TRABD2B: variants seen among roughly 807,000 people sequenced by gnomAD.
TRABD2B encodes TraB domain containing 2B, also known as metalloprotease TIKI2.
In TRABD2B, 14 loss-of-function variants were observed where a neutral mutation model predicts 40.1. The ratio of observed to expected loss-of-function variants is 0.35; its 90% CI spans 0.23 to 0.55. The LOEUF (loss-of-function observed/expected upper bound fraction) is 0.55. Among genes scored for constraint, TRABD2B ranks in the 20% least tolerant of loss-of-function variants. The pLI, the probability that TRABD2B is intolerant of heterozygous loss-of-function variation, is 0.90. For synonymous variants in TRABD2B, 263 were observed against 277.0 expected (o/e 0.95, Z 0.50); for missense variants, 541 against 648.6 (o/e 0.83, Z 1.80).
At chr1:47,917,719 G>A (rs1466019504) in intron 2 of TRABD2B, among the ~76,000 whole-genome samples, 1 of 151,976 alleles carries the variant, frequency 6.6e-6, no homozygotes, top group East Asian at 1.9e-4. Context: ...AGGTGACAGA[G>A]TGAGACACTG....
chr1:47,860,261 C>T (rs1643947386), intron 2 of TRABD2B, among the ~76,000 whole-genome samples: 1 of 152,186 alleles, frequency 6.6e-6, no homozygotes, highest in Non-Finnish European at 1.5e-5. Context: ...CTGCTTTCTC[C>T]TATAAGTCTT....
chr1:47,857,237 G>C (rs1643901522), intron 2 of TRABD2B, among the ~76,000 whole-genome samples: 2 of 152,162 alleles, frequency 1.3e-5, no homozygotes, highest in African/African-American at 4.8e-5. Flanking sequence ...GCCTTTAGTA[G>C]GTGCTCCCTA....
At chr1:47,853,450 A>G (rs909090938) in intron 2 of TRABD2B, among the ~76,000 whole-genome samples, 2 of 152,156 alleles carry the variant, frequency 1.3e-5, no homozygotes, top group African/African-American at 4.8e-5. Context: ...GGTGGTGGTC[A>G]CTGAACTTGG....
At chr1:47,805,578 C>T (rs1644880479) in intron 2 of TRABD2B, among the ~76,000 whole-genome samples, 2 of 152,156 alleles carry the variant, frequency 1.3e-5, no homozygotes, top group African/African-American at 4.8e-5. Context: ...TCTCCATTAG[C>T]AGACATTCAG....
chr1:47,810,246 C>T (rs1181182191), intron 2 of TRABD2B, among the ~76,000 whole-genome samples: 7 of 151,832 alleles, frequency 4.6e-5, no homozygotes, highest in Non-Finnish European at 5.9e-5. Context: ...GCTCTGTTGT[C>T]GAGGCTGGAG....
chr1:47,923,979 G>C (rs1468142515), intron 2 of TRABD2B, among the ~76,000 whole-genome samples: 1 of 141,936 alleles, frequency 7.0e-6, no homozygotes, highest in Non-Finnish European at 1.5e-5. Context: ...CATCCTATTA[G>C]TTCTGTTTCT....
intron 2 of TRABD2B, among the ~76,000 whole-genome samples, chr1:47,882,818 C>T (rs1022477610): frequency 2.6e-5 from 4 of 151,840 alleles, no homozygotes; most frequent in Admixed American, 1.3e-4. Context: ...ATTTGAGGAA[C>T]GAGGAAGGTA....
intron 2 of TRABD2B, among the ~76,000 whole-genome samples, chr1:47,955,216 C>T (rs942486460): frequency 1.2e-4 from 18 of 152,294 alleles, no homozygotes; most frequent in African/African-American, 4.1e-4. Flanking sequence ...CTGCCTCCAC[C>T]TAAGCCTTTT....
chr1:47,926,819 C>T lies in TRABD2B; in HGVS notation c.666+67215G>A, dbSNP rs1570303251. On this transcript the variant is annotated intron_variant, in intron 2 of 6. Coordinates refer to ENST00000606738, the MANE Select transcript of TRABD2B (RefSeq NM_001194986.2). ...TCAGCCCTACTCCCTTCCTCTCCAG[C>T]ACACCCTTCCTGCCTTGCTTTAGAG... Among the ~76,000 whole-genome samples, 7 of 152,182 alleles carry T rather than the reference C, an allele frequency of 4.6e-5. No individual in the cohort carries two copies. In the South Asian group the frequency reaches 1.5e-3, roughly 32 times the overall value.
chr1:47,905,073 GA>G lies in TRABD2B; in HGVS notation c.666+88960del, dbSNP rs369174883. Among the ~76,000 whole-genome samples, 365 of 152,056 alleles carry G rather than the reference GA, an allele frequency of 2.4e-3. 1 individual carries two copies. The highest frequency in any genetic ancestry group is 8.0e-3 in the African/African-American group (331 of 41,480). On this transcript the variant is annotated intron_variant, in intron 2 of 6. Transcript: ENST00000606738. ...TTTCAGGGAGCTCATGGTCAAAGAG[GA>G]GGAGAGGAGACAGGGAACAAGTAAC...
intron 2 of TRABD2B, among the ~76,000 whole-genome samples, chr1:47,862,610 T>A (rs932852101): frequency 6.6e-6 from 1 of 152,164 alleles, no homozygotes; most frequent in African/African-American, 2.4e-5. Flanking sequence ...TGGAGAGATA[T>A]TCCATGTTCA....
intron 2 of TRABD2B, among the ~76,000 whole-genome samples, chr1:47,968,317 T>A (rs544899010): frequency 4.5e-4 from 69 of 152,262 alleles, no homozygotes; most frequent in African/African-American, 1.6e-3. Flanking sequence ...TCCGAGAAGG[T>A]AAACTGCAGG....
intron 2 of TRABD2B, among the ~76,000 whole-genome samples, chr1:47,931,209 G>A (rs1339960517): frequency 6.6e-6 from 1 of 152,166 alleles, no homozygotes; most frequent in African/African-American, 2.4e-5. Flanking sequence ...ACAGGCTTTA[G>A]GATTCCTTCT....
At chr1:47,876,681 G>A (rs1186237078) in intron 2 of TRABD2B, among the ~76,000 whole-genome samples, 1 of 152,334 alleles carries the variant, frequency 6.6e-6, no homozygotes, top group East Asian at 1.9e-4. Context: ...CCAGCCGGGG[G>A]GCCCACAGCC....
At chr1:47,959,088 T>G (rs931740976) in intron 2 of TRABD2B, among the ~76,000 whole-genome samples, 5 of 152,138 alleles carry the variant, frequency 3.3e-5, no homozygotes, top group African/African-American at 1.2e-4. Flanking sequence ...ACATGGAAAC[T>G]GAACAACCTG....
At chr1:47,943,114 TA>T (rs1333469818) in intron 2 of TRABD2B, among the ~76,000 whole-genome samples, 8 of 152,260 alleles carry the variant, frequency 5.3e-5, no homozygotes, top group African/African-American at 1.7e-4. Context: ...TTCCCCAATT[TA>T]AAAAAATGGG....
At chr1:47,852,405 C>T (rs142212464) in intron 2 of TRABD2B, among the ~76,000 whole-genome samples, 4 of 152,342 alleles carry the variant, frequency 2.6e-5, no homozygotes, top group Non-Finnish European at 5.9e-5. Flanking sequence ...TCCCCCACTT[C>T]CTGACCCACT....
intron 2 of TRABD2B, among the ~76,000 whole-genome samples, chr1:47,958,316 AC>A (rs1401162686): frequency 6.9e-6 from 1 of 144,046 alleles, no homozygotes; most frequent in Non-Finnish European, 1.5e-5. Flanking sequence ...AAGCGAAACA[AC>A]CAGCTAACAT....
At chr1:47,794,359 C>T (rs1644715051) in intron 4 of TRABD2B, among the ~76,000 whole-genome samples, 1 of 152,132 alleles carries the variant, frequency 6.6e-6, no homozygotes, top group South Asian at 2.1e-4. Context: ...TTATCCTGGC[C>T]ATGGCAGGGG....
Sources: allele counts gnomAD v4.1 joint callset (sites outside exome capture counted in the v4.1 genomes callset), GRCh38; gene constraint gnomAD v4.1.1; transcripts MANE v1.5; gene names NCBI Gene and HGNC (gene_info 2026-07-23, HGNC 2026-07-21).